The following PACRG variants were observed in gnomAD, a reference collection of about 807,000 sequenced individuals.
The protein encoded by PACRG is parkin coregulated gene protein.
Under a neutral mutation model 29.7 loss-of-function variants are expected in PACRG, and 29 were observed. That is an observed-to-expected ratio of 0.98 (90% CI 0.73 to 1.33). The LOEUF is 1.33. PACRG is among the 40% of genes most tolerant of loss of function. PACRG has a pLI of 0.00. For missense variants in PACRG, 279 were observed against 316.2 expected (o/e 0.88, Z 0.89); for synonymous variants, 116 against 118.7 (o/e 0.98, Z 0.15).
chr6:163,233,308 CAA>C (rs1194878326), intron 4 of PACRG, among the ~76,000 whole-genome samples: 1 of 152,006 alleles, frequency 6.6e-6, no homozygotes, highest in East Asian at 1.9e-4. Flanking sequence ...GATTGATGAA[CAA>C]AAAGTTCACC....
Position 163,266,413 on chromosome 6 carries a change from G to A in PACRG, c.614-48414G>A, listed in dbSNP as rs575764755. On this transcript the variant is annotated intron_variant, in intron 4 of 4. Transcript: ENST00000366888. Reference sequence around the variant, plus strand: ...TTACTGGCTTACTGTCCAGCAAGAGGACTTAGATTAAATTATTGGTTTTCT... The same window carrying A: ...TTACTGGCTTACTGTCCAGCAAGAGAACTTAGATTAAATTATTGGTTTTCT... Among the ~76,000 whole-genome samples the A allele has an allele frequency of 2.6e-5, 4 of 152,266 alleles. No individual in the cohort carries two copies. The East Asian group carries it at 7.7e-4, about 29-fold the overall frequency.
At chr6:163,278,526 G>C (rs1249987103) in intron 4 of PACRG, among the ~76,000 whole-genome samples, 1 of 152,134 alleles carries the variant, frequency 6.6e-6, no homozygotes, top group African/African-American at 2.4e-5. Flanking sequence ...TAAGAGATGA[G>C]GATCCAACTT....
At chr6:163,033,085 A>T (rs1807820589) in intron 2 of PACRG, among the ~76,000 whole-genome samples, 1 of 152,186 alleles carries the variant, frequency 6.6e-6, no homozygotes, top group Non-Finnish European at 1.5e-5. Flanking sequence ...TAGGCCAAAA[A>T]AATTACATTT....
intron 2 of PACRG, among the ~76,000 whole-genome samples, chr6:163,058,442 C>T (rs1382093916): frequency 1.3e-5 from 2 of 152,136 alleles, no homozygotes; most frequent in Non-Finnish European, 2.9e-5. Context: ...GCAATGACAA[C>T]AGATATTTGC....
At chr6:163,115,101 G>GT (rs1815914038) in intron 4 of PACRG, among the ~76,000 whole-genome samples, 1 of 152,116 alleles carries the variant, frequency 6.6e-6, no homozygotes, top group African/African-American at 2.4e-5. Flanking sequence ...CATTGAAACT[G>GT]TTAGTTAGCC....
chr6:162,890,017 C>T (rs1049524966), intron 2 of PACRG, among the ~76,000 whole-genome samples: 1 of 152,212 alleles, frequency 6.6e-6, no homozygotes, highest in Non-Finnish European at 1.5e-5. Context: ...GGTCTGAGCA[C>T]ATCTGGAAAA....
chr6:162,753,454 A>G (rs1781667493), intron 1 of PACRG, among the ~76,000 whole-genome samples: 1 of 152,192 alleles, frequency 6.6e-6, no homozygotes, highest in South Asian at 2.1e-4. Flanking sequence ...TTAAGGCTGA[A>G]TAGTATTACA....
intron 2 of PACRG, among the ~76,000 whole-genome samples, chr6:162,963,513 A>G (rs1800797140): frequency 6.6e-6 from 1 of 151,628 alleles, no homozygotes; most frequent in Non-Finnish European, 1.5e-5. Context: ...TTGTGTCTAT[A>G]TAAATATCTA....
intron 1 of PACRG, among the ~76,000 whole-genome samples, chr6:162,795,759 G>A (rs1269168691): frequency 2.0e-5 from 3 of 152,046 alleles, no homozygotes; most frequent in Non-Finnish European, 2.9e-5. Context: ...TTTAAGTCTT[G>A]TTTATACTTT....
chr6:162,860,468 A>G (rs1381677046), intron 2 of PACRG, among the ~76,000 whole-genome samples: 3 of 152,186 alleles, frequency 2.0e-5, no homozygotes, highest in Non-Finnish European at 2.9e-5. Context: ...AGCAATGTAA[A>G]CTTGAGTCCC....
rs142704160 is a variant in PACRG, at chr6:163,115,171, A to G, written c.613+25763A>G. Among the ~76,000 whole-genome samples, 1,122 of 152,278 alleles carry G rather than the reference A, an allele frequency of 7.4e-3. 6 individuals carry two copies. Among genetic ancestry groups the G allele is most frequent in the Middle Eastern group, 0.02 (6 of 294 alleles). On this transcript the variant is annotated intron_variant, in intron 4 of 4. Transcript: ENST00000366888. Reference sequence around the variant, plus strand: ...ATCTCATAAAATCAATACTTAATGAATACCTACTGCATGCTGAGTTCCAGA... The same window carrying G: ...ATCTCATAAAATCAATACTTAATGAGTACCTACTGCATGCTGAGTTCCAGA...
chr6:162,833,348 TA>T (rs1202936367), intron 2 of PACRG, among the ~76,000 whole-genome samples: 2 of 152,180 alleles, frequency 1.3e-5, no homozygotes, highest in Non-Finnish European at 2.9e-5. Flanking sequence ...TTTCTTCTAG[TA>T]ACTGCCTCAT....
At chr6:162,784,177 T>C (rs944884507) in intron 1 of PACRG, among the ~76,000 whole-genome samples, 1 of 152,152 alleles carries the variant, frequency 6.6e-6, no homozygotes, top group African/African-American at 2.4e-5. Flanking sequence ...CAGTAGAGCT[T>C]TATTATTTTC....
chr6:163,294,444 G>A (rs1412633740), intron 4 of PACRG, among the ~76,000 whole-genome samples: 1 of 152,122 alleles, frequency 6.6e-6, no homozygotes, highest in Non-Finnish European at 1.5e-5. Context: ...CATTTAAAAT[G>A]TAGTCAATAA....
rs1027354812 is a variant in PACRG at position 163,175,164 on chromosome 6, A to G, written c.613+85756A>G. Among the ~76,000 whole-genome samples the G allele has an allele frequency of 2.0e-5, 3 of 152,166 alleles. No homozygotes were observed. In the East Asian group the frequency reaches 5.8e-4, roughly 29 times the overall value. ...GCTGATATCTGTTTGACCACTAGGA[A>G]AAGGGGGAACTGGACTAGTATTTTC... On this transcript the variant is annotated intron_variant, in intron 4 of 4. Transcript: ENST00000366888.
chr6:162,785,938 C>T (rs1462771600), intron 1 of PACRG, among the ~76,000 whole-genome samples: 1 of 152,202 alleles, frequency 6.6e-6, no homozygotes, highest in East Asian at 1.9e-4. Flanking sequence ...CACAAGGCTG[C>T]CCCCTCCAGA....
At chr6:163,233,436 T>A (rs1415597739) in intron 4 of PACRG, among the ~76,000 whole-genome samples, 1 of 152,218 alleles carries the variant, frequency 6.6e-6, no homozygotes, top group Admixed American at 6.5e-5. Context: ...ACACCAGCCT[T>A]GAACTTGAGA....
chr6:163,049,059 G>A (rs979369077), intron 2 of PACRG, among the ~76,000 whole-genome samples: 1 of 151,866 alleles, frequency 6.6e-6, no homozygotes, highest in Non-Finnish European at 1.5e-5. Flanking sequence ...AGCAAATTAT[G>A]GTAATAATAA....
intron 4 of PACRG, among the ~76,000 whole-genome samples, chr6:163,248,600 G>T: frequency 6.6e-6 from 1 of 152,144 alleles, no homozygotes; most frequent in African/African-American, 2.4e-5. Flanking sequence ...CATGGCAATT[G>T]CTTTCCCATG....
Sources: gnomAD v4.1 joint callset for allele counts (sites outside exome capture counted in the v4.1 genomes callset) on GRCh38, gnomAD v4.1.1 for gene constraint, MANE v1.5 for transcripts, NCBI Gene and HGNC (gene_info 2026-07-23, HGNC 2026-07-21) for gene names.